Variants in BMP6 observed in about 807,000 individuals in gnomAD.
BMP6 encodes VG-1-R.
In BMP6, 17 loss-of-function variants were observed where a neutral mutation model predicts 54.1. The observed-to-expected ratio is 0.31, with a 90% CI of 0.22 to 0.47. The LOEUF is 0.47. BMP6 is among the 20% of genes least tolerant of loss of function. The pLI is 1.00. For synonymous variants in BMP6, 328 were observed against 291.2 expected (o/e 1.13, Z -1.28); for missense variants, 720 against 690.4 (o/e 1.04, Z -0.48).
chr6:7,874,438 C>T (rs1462756797), intron 4 of BMP6, among the ~76,000 whole-genome samples: 1 of 152,188 alleles, frequency 6.6e-6, no homozygotes, highest in African/African-American at 2.4e-5. Flanking sequence ...CCCAAGGCTC[C>T]TCTTTTGCTT....
chr6:7,808,631 A>G (rs1008997022), intron 1 of BMP6, among the ~76,000 whole-genome samples: 1 of 152,208 alleles, frequency 6.6e-6, no homozygotes, highest in African/African-American at 2.4e-5. Flanking sequence ...TCAAAAAGTT[A>G]GGCTGGGCAC....
At chr6:7,833,570 T>C (rs1050247259) in intron 1 of BMP6, among the ~76,000 whole-genome samples, 4 of 152,158 alleles carry the variant, frequency 2.6e-5, no homozygotes, top group Admixed American at 2.6e-4. Flanking sequence ...GATAGAAATT[T>C]GAGAGCTTTC....
At chr6:7,851,297 T>G (rs1275009621) in intron 2 of BMP6, among the ~76,000 whole-genome samples, 1 of 152,158 alleles carries the variant, frequency 6.6e-6, no homozygotes, top group East Asian at 1.9e-4. Flanking sequence ...GTAATATAGT[T>G]TTTTGTATGT....
chr6:7,740,307 G>A (rs1024037896), intron 1 of BMP6, among the ~76,000 whole-genome samples: 20 of 152,186 alleles, frequency 1.3e-4, no homozygotes, highest in African/African-American at 4.6e-4. Context: ...CGCCAAGTGT[G>A]GTCCCATCCC....
Position 7,726,234 on chromosome 6 carries a change from G to C in BMP6, c.-722G>C, listed in dbSNP as rs1761718807. Among the ~76,000 whole-genome samples, 1 of 152,138 alleles carries C rather than the reference G, an allele frequency of 6.6e-6. No individual in the cohort carries two copies. Among genetic ancestry groups the C allele is most frequent in the Non-Finnish European group, 1.5e-5 (1 of 68,018 alleles). Reference sequence around the variant, plus strand: ...TCCTTTCTGCGAGCGGGTTTGCTGGGCAGCCGGGCGACCGCCGAACGGAAA... The same window carrying C: ...TCCTTTCTGCGAGCGGGTTTGCTGGCCAGCCGGGCGACCGCCGAACGGAAA... On this transcript the variant is annotated 5_prime_UTR_variant, in exon 1 of 7. Transcript: ENST00000283147.
At chr6:7,869,370 G>A (rs1759483604) in intron 4 of BMP6, among the ~76,000 whole-genome samples, 1 of 152,256 alleles carries the variant, frequency 6.6e-6, no homozygotes, top group South Asian at 2.1e-4. Flanking sequence ...TGGCTCTTCA[G>A]GAGGGCCAGA....
intron 4 of BMP6, among the ~76,000 whole-genome samples, chr6:7,863,330 T>A (rs183576211): frequency 2.8e-4 from 42 of 152,338 alleles, no homozygotes; most frequent in African/African-American, 1.0e-3. Flanking sequence ...GCTGGATCCA[T>A]GGGCTCAGAT....
rs552032547 is a variant in BMP6, at chr6:7,844,444, A to T, written c.665-696A>T. The stretch of plus-strand genomic sequence containing the variant: ...TTTGTGGCATCTACATGCAGATTAA[A>T]TGGGGGTTCCAGCAACTTCCCAGTG... On this transcript the variant is annotated intron_variant, in intron 1 of 6. Coordinates refer to ENST00000283147, the MANE Select transcript of BMP6 (RefSeq NM_001718.6). Among the ~76,000 whole-genome samples the T allele has an allele frequency of 2.1e-4, 32 of 151,978 alleles. No homozygotes were observed. The South Asian group carries it at 6.4e-3, about 31-fold the overall frequency.
intron 4 of BMP6, among the ~76,000 whole-genome samples, chr6:7,870,187 C>G (rs1016943763): frequency 6.6e-6 from 1 of 152,194 alleles, no homozygotes; most frequent in East Asian, 1.9e-4. Flanking sequence ...AAAGACACAC[C>G]TGGGGCTTGG....
At chr6:7,813,598 A>G (rs6597284) in intron 1 of BMP6, among the ~76,000 whole-genome samples, 108,899 of 140,320 alleles carry the variant, frequency 0.78, 42,679 homozygotes, top group East Asian at 0.99. Context: ...AGCTGTGATC[A>G]CACCACTGCG....
Position 7,749,118 on chromosome 6 carries a change from T to C in BMP6, c.664+21499T>C, listed in dbSNP as rs1044822944. ...AGTGTGTTTCATCTACAAAAGGCAA[T>C]CACTGATGAACCCTTGTACCTCCAC... On this transcript the variant is annotated intron_variant, in intron 1 of 6. Coordinates refer to ENST00000283147, the MANE Select transcript of BMP6 (RefSeq NM_001718.6). Among the ~76,000 whole-genome samples, 29 of 152,202 alleles carry C rather than the reference T, an allele frequency of 1.9e-4. 1 individual carries two copies. Among genetic ancestry groups the C allele is most frequent in the Admixed American group, 1.6e-3 (25 of 15,282 alleles).
chr6:7,757,262 C>T (rs949112055), intron 1 of BMP6, among the ~76,000 whole-genome samples: 1 of 152,202 alleles, frequency 6.6e-6, no homozygotes, highest in African/African-American at 2.4e-5. Flanking sequence ...TCTCATAGTT[C>T]AGGAGGCTAG....
At chr6:7,851,164 G>T (rs1278111459) in intron 2 of BMP6, among the ~76,000 whole-genome samples, 3 of 152,154 alleles carry the variant, frequency 2.0e-5, no homozygotes, top group African/African-American at 7.2e-5. Flanking sequence ...CAAACTTGCT[G>T]GGCTTCTGAT....
intron 1 of BMP6, among the ~76,000 whole-genome samples, chr6:7,743,883 A>G (rs556372759): frequency 3.9e-5 from 6 of 152,362 alleles, no homozygotes; most frequent in African/African-American, 1.4e-4. Flanking sequence ...TCTGTTTACA[A>G]TTCCACAATG....
intron 1 of BMP6, among the ~76,000 whole-genome samples, chr6:7,835,422 G>A (rs1430995230): frequency 6.6e-6 from 1 of 152,204 alleles, no homozygotes; most frequent in Non-Finnish European, 1.5e-5. Flanking sequence ...CTGAAGGAAT[G>A]AATACAGGCT....
At chr6:7,854,077 C>T (rs1024572229) in intron 2 of BMP6, among the ~76,000 whole-genome samples, 2 of 152,136 alleles carry the variant, frequency 1.3e-5, no homozygotes, top group African/African-American at 4.8e-5. Flanking sequence ...GCGGGAAGAG[C>T]CAGTGGGTGG....
chr6:7,831,249 C>T (rs796346525), intron 1 of BMP6, among the ~76,000 whole-genome samples: 16 of 152,218 alleles, frequency 1.1e-4, no homozygotes, highest in African/African-American at 3.9e-4. Flanking sequence ...CCAAAATAGG[C>T]AGATCCAGAG....
At chr6:7,767,225 T>C (rs148774010) in intron 1 of BMP6, among the ~76,000 whole-genome samples, 1,541 of 152,280 alleles carry the variant, frequency 0.01, 20 homozygotes, top group African/African-American at 0.035. Context: ...CCACCCGCCT[T>C]GGCCTCCCAA....
chr6:7,864,556 A>G (rs2113280865), intron 4 of BMP6, among the ~76,000 whole-genome samples: 1 of 152,290 alleles, frequency 6.6e-6, no homozygotes, highest in Non-Finnish European at 1.5e-5. Context: ...TGGTGGCCAA[A>G]CATGTTGGGA....
Sources: gnomAD v4.1 joint callset for allele counts (sites outside exome capture counted in the v4.1 genomes callset) on GRCh38, gnomAD v4.1.1 for gene constraint, MANE v1.5 for transcripts, NCBI Gene and HGNC (gene_info 2026-07-23, HGNC 2026-07-21) for gene names.